Variants in ULK4 observed in about 807,000 individuals in gnomAD.
ULK4 encodes inactive serine/threonine-protein kinase ULK4.
ULK4 carries 133 observed loss-of-function variants against 160.6 expected under a neutral mutation model. That is an observed-to-expected ratio of 0.83 (90% CI 0.72 to 0.96). The LOEUF is 0.96. Ranked by LOEUF, ULK4 falls within the 40% of genes least tolerant of loss-of-function variation. The pLI is 0.00. For missense variants in ULK4, 1,580 were observed against 1,499.5 expected (o/e 1.05, Z -0.89); for synonymous variants, 534 against 539.8 (o/e 0.99, Z 0.15).
chr3:41,747,556 C>T (rs896723970), intron 22 of ULK4, among the ~76,000 whole-genome samples: 5 of 151,984 alleles, frequency 3.3e-5, no homozygotes, highest in Non-Finnish European at 5.9e-5. Flanking sequence ...TTCTGTTCCC[C>T]CCAAAATTCA....
At chr3:41,846,806 CAAA>C (rs35308076) in intron 17 of ULK4, among the ~76,000 whole-genome samples, 3 of 99,004 alleles carry the variant, frequency 3.0e-5, no homozygotes, top group Admixed American at 2.4e-4. Flanking sequence ...CTCTCTCTCT[CAAA>C]AAAAAAAAAA....
chr3:41,408,427 C>CA (rs59444673), intron 34 of ULK4, among the ~76,000 whole-genome samples: 1,441 of 43,852 alleles, frequency 0.033, 87 homozygotes, highest in Middle Eastern at 0.053. Context: ...GACTCCATCT[C>CA]AAAAAAAAAA....
At chr3:41,714,275 G>A (rs909889846) in intron 25 of ULK4, among the ~76,000 whole-genome samples, 22 of 152,084 alleles carry the variant, frequency 1.4e-4, no homozygotes, top group Admixed American at 1.3e-3. Context: ...CTAAAAATCA[G>A]CAACAGTCAC....
intron 33 of ULK4, among the ~76,000 whole-genome samples, chr3:41,460,887 T>C (rs1019492633): frequency 7.2e-5 from 11 of 152,138 alleles, no homozygotes; most frequent in African/African-American, 2.4e-4. Flanking sequence ...AAACTGATAC[T>C]TAGGTGCAGT....
At chr3:41,527,490 C>T (rs1220630432) in intron 32 of ULK4, among the ~76,000 whole-genome samples, 1 of 152,214 alleles carries the variant, frequency 6.6e-6, no homozygotes, top group Non-Finnish European at 1.5e-5. Flanking sequence ...TGGGAGAAAA[C>T]TGAGGGACAG....
At chr3:41,757,748 C>G (rs2038854834) in intron 21 of ULK4, among the ~76,000 whole-genome samples, 1 of 151,824 alleles carries the variant, frequency 6.6e-6, no homozygotes, top group South Asian at 2.1e-4. Context: ...ATTCTCCTGC[C>G]TCAGCCTCCT....
intron 35 of ULK4, among the ~76,000 whole-genome samples, chr3:41,325,924 A>G (rs2080331655): frequency 6.6e-6 from 1 of 151,978 alleles, no homozygotes; most frequent in South Asian, 2.1e-4. Context: ...ATCTCAAAAT[A>G]AATAAATAAA....
chr3:41,716,998 T>C (rs940624691), intron 23 of ULK4, among the ~76,000 whole-genome samples: 4 of 152,072 alleles, frequency 2.6e-5, no homozygotes, highest in Admixed American at 1.3e-4. Context: ...TAAAAAATGA[T>C]TATATGGCAG....
At position 41,496,567 on chromosome 3, in the gene ULK4, G is replaced by A. The variant is rs116961675; in HGVS notation, c.3227-33314C>T. Among the ~76,000 whole-genome samples, 11 of 152,082 alleles carry A rather than the reference G, an allele frequency of 7.2e-5. No homozygotes were observed. In the East Asian group the frequency reaches 1.4e-3, roughly 19 times the overall value. ...TGAAGTTGGAGTTTGCTGAGGGAGC[G>A]ACAGTTTTCCTGGTAGAGTAATAAA... On this transcript the variant is annotated intron_variant, in intron 32 of 36. Coordinates refer to ENST00000301831, the MANE Select transcript of ULK4 (RefSeq NM_017886.4).
chr3:41,485,537 T>G (rs1052841773), intron 32 of ULK4, among the ~76,000 whole-genome samples: 2 of 152,224 alleles, frequency 1.3e-5, no homozygotes, highest in Admixed American at 6.5e-5. Flanking sequence ...TATTTGAGCA[T>G]TTCTATACAG....
intron 35 of ULK4, among the ~76,000 whole-genome samples, chr3:41,362,230 T>C (rs1482785994): frequency 6.6e-6 from 1 of 152,184 alleles, no homozygotes; most frequent in East Asian, 1.9e-4. Context: ...TTCTCCAGTG[T>C]AGTGTTGACT....
At chr3:41,810,700 A>G (rs2040797428) in intron 19 of ULK4, among the ~76,000 whole-genome samples, 1 of 152,212 alleles carries the variant, frequency 6.6e-6, no homozygotes, top group Non-Finnish European at 1.5e-5. Context: ...TGTAAGATAA[A>G]TAGATATAAA....
At chr3:41,624,714 G>A (rs2033413433) in intron 30 of ULK4, among the ~76,000 whole-genome samples, 1 of 152,038 alleles carries the variant, frequency 6.6e-6, no homozygotes, top group African/African-American at 2.4e-5. Flanking sequence ...TTTTTTTAGT[G>A]GTAAGCCTAA....
At chr3:41,681,044 G>A (rs764957543) in intron 29 of ULK4, among the ~76,000 whole-genome samples, 3 of 152,028 alleles carry the variant, frequency 2.0e-5, no homozygotes, top group Non-Finnish European at 4.4e-5. Flanking sequence ...TACCTGTTCC[G>A]CCACCTCCAC....
chr3:41,940,985 A>C (rs770719121), intron 2 of ULK4, among the ~76,000 whole-genome samples: 1 of 152,158 alleles, frequency 6.6e-6, no homozygotes, highest in Non-Finnish European at 1.5e-5. Context: ...CAAACCATCA[A>C]GATCCAAAAT....
At chr3:41,416,488 T>C (rs1327296013) in intron 34 of ULK4, among the ~76,000 whole-genome samples, 3 of 152,184 alleles carry the variant, frequency 2.0e-5, no homozygotes, top group Non-Finnish European at 4.4e-5. Context: ...CATTTGATTT[T>C]TCAACTGCTA....
In ULK4 at chr3:41,474,803, T is replaced by C. The variant is rs186527233; in HGVS notation, c.3227-11550A>G. Among the ~76,000 whole-genome samples the C allele has an allele frequency of 6.4e-4, 87 of 136,700 alleles. 1 individual carries two copies. In the East Asian group the frequency reaches 0.013, roughly 21 times the overall value. 89.7% of individuals were successfully genotyped at this position (136,700 alleles called of 152,430 possible). A position where few individuals can be genotyped will look rare whatever the true frequency, so the allele number is the denominator to read the frequency against. On this transcript the variant is annotated intron_variant, in intron 32 of 36. Transcript: ENST00000301831. ...CCACAAGGAGATATCACCTTACATC[T>C]GTCAGAATGATTATTATTAAAAAAA...
At chr3:41,748,331 T>A in intron 22 of ULK4, among the ~76,000 whole-genome samples, 1 of 151,648 alleles carries the variant, frequency 6.6e-6, no homozygotes, top group African/African-American at 2.4e-5. Flanking sequence ...TATATATATA[T>A]AATAGTTTCA....
intron 32 of ULK4, among the ~76,000 whole-genome samples, chr3:41,480,560 C>T (rs1286061284): frequency 6.6e-6 from 1 of 152,114 alleles, no homozygotes; most frequent in African/African-American, 2.4e-5. Flanking sequence ...TCCACTTCTA[C>T]TTAACAAATA....
Sources: allele counts gnomAD v4.1 joint callset (sites outside exome capture counted in the v4.1 genomes callset), GRCh38; gene constraint gnomAD v4.1.1; transcripts MANE v1.5; gene names NCBI Gene and HGNC (gene_info 2026-07-23, HGNC 2026-07-21).